SPRED2: variants seen among roughly 807,000 people sequenced by gnomAD.
SPRED2 encodes the protein sprouty related EVH1 domain containing 2, also known as sprouty-related, EVH1 domain-containing protein 2.
SPRED2 carries 47 observed loss-of-function variants against 43.0 expected under a neutral mutation model. The ratio of observed to expected loss-of-function variants is 1.09; its 90% CI spans 0.87 to 1.40. The LOEUF (loss-of-function observed/expected upper bound fraction) is 1.40, where lower values mean the gene tolerates loss of function less well. SPRED2 is among the 40% of genes most tolerant of loss of function. SPRED2 has a pLI of 0.00. For missense variants in SPRED2, 561 were observed against 586.4 expected, an observed-to-expected ratio of 0.96 and a Z score of 0.45; for synonymous variants, 225 against 225.7, an observed-to-expected ratio of 1.00 and a Z score of 0.03.
intron 1 of SPRED2, among the ~76,000 whole-genome samples, chr2:65,368,421 A>C (rs1218094593): frequency 2.0e-5 from 3 of 152,216 alleles, no homozygotes; most frequent in African/African-American, 7.2e-5. Flanking sequence ...AACTTTTCAC[A>C]CACTTGAAAA....
intron 1 of SPRED2, among the ~76,000 whole-genome samples, chr2:65,383,112 G>A (rs552141357): frequency 6.6e-6 from 1 of 152,204 alleles, no homozygotes; most frequent in Non-Finnish European, 1.5e-5. Context: ...AAATACCACC[G>A]GCATGCTAGC....
intron 1 of SPRED2, among the ~76,000 whole-genome samples, chr2:65,424,426 C>T (rs768222532): frequency 6.6e-6 from 1 of 152,114 alleles, no homozygotes; most frequent in Non-Finnish European, 1.5e-5. Context: ...AGAAAGCCTA[C>T]TATGTGCTCA....
rs1353292405 is a variant in SPRED2, at chr2:65,314,058, C to T, written c.700G>A (p.Ala234Thr). Residue 234 changes from alanine (A) to threonine (T), a missense_variant, in exon 6 of 6, where the codon GCA becomes ACA. Coordinates refer to ENST00000356388, the MANE Select transcript of SPRED2 (RefSeq NM_181784.3). ...TCCGGGTACTTGCCCCTGACGGGTG[C>T]GTGCCGGTAATCCTCGTACCCCGTC... is the stretch of plus-strand genomic sequence containing the variant. ...WMTGYEDYRH[A>T]PVRGKYPDPS... 9 of 1,613,962 alleles carry T rather than the reference C, an allele frequency of 5.6e-6. No individual in the cohort carries two copies.
In SPRED2 at chr2:65,312,230, G is replaced by A. The variant is rs1018999965; in HGVS notation, c.*1271C>T. 3.0e-6 allele frequency: 3 copies of A among 985,726 alleles called. No individual in the cohort carries two copies. Among genetic ancestry groups the A allele is most frequent in the African/African-American group, 1.7e-5 (1 of 57,364 alleles). The allele number at this position is 985,726 out of a possible 1,614,324, so 61.1% of individuals were successfully genotyped here. A position where few individuals can be genotyped will look rare whatever the true frequency, so the allele number is the denominator to read the frequency against. The stretch of plus-strand genomic sequence containing the variant: ...TAACCACCTGTGCACCCAAAGTGGC[G>A]AGTCTGGGTTTGGAGTTGCAGGAGA... On this transcript the variant is annotated 3_prime_UTR_variant, in exon 6 of 6. Transcript: ENST00000356388.
intron 4 of SPRED2, among the ~76,000 whole-genome samples, chr2:65,317,921 T>C (rs968223378): frequency 2.3e-4 from 35 of 152,020 alleles, no homozygotes; most frequent in Non-Finnish European, 5.0e-4. Context: ...TCCGTAACCA[T>C]GTCTTTGGAA....
chr2:65,401,940 CACACA>C, intron 1 of SPRED2, among the ~76,000 whole-genome samples: 1 of 111,082 alleles, frequency 9.0e-6, no homozygotes, highest in African/African-American at 4.8e-5. Flanking sequence ...CGCGCGCGCA[CACACA>C]CACACACACA....
intron 1 of SPRED2, among the ~76,000 whole-genome samples, chr2:65,398,997 A>G (rs1177129303): frequency 6.6e-6 from 1 of 152,234 alleles, no homozygotes; most frequent in East Asian, 1.9e-4. Context: ...AATGTGGTAT[A>G]GCTGGGCGCG....
chr2:65,395,068 A>G (rs373690156), intron 1 of SPRED2, among the ~76,000 whole-genome samples: 16 of 152,196 alleles, frequency 1.1e-4, no homozygotes, highest in Middle Eastern at 3.4e-3. Flanking sequence ...CCATCACCCA[A>G]GGTAACTCCG....
In SPRED2 at chr2:65,312,462, G is replaced by A. The variant is rs11548392; in HGVS notation, c.*1039C>T. 0.16 allele frequency: 155,183 copies of A among 985,058 alleles called. 13,528 individuals carry two copies. The highest frequency in any genetic ancestry group is 0.17 in the Non-Finnish European group (144,444 of 829,646). 61.0% of individuals were successfully genotyped at this position (985,058 alleles called of 1,614,324 possible). A position where few individuals can be genotyped will look rare whatever the true frequency, so the allele number is the denominator to read the frequency against. On this transcript the variant is annotated 3_prime_UTR_variant, in exon 6 of 6. Transcript: ENST00000356388. ...TAAAATAGCCAGGGGTTGGGGGGAA[G>A]AAGCTCCCTATGGTTTTATTCACCA...
chr2:65,361,677 G>GT (rs1168797406), intron 1 of SPRED2, among the ~76,000 whole-genome samples: 2 of 152,158 alleles, frequency 1.3e-5, no homozygotes. Context: ...GTTAAGCGAT[G>GT]TTTTTTAATA....
intron 1 of SPRED2, among the ~76,000 whole-genome samples, chr2:65,422,104 A>ACACACACACGCACTCT (rs1299857849): frequency 7.8e-6 from 1 of 128,938 alleles, no homozygotes; most frequent in Non-Finnish European, 1.7e-5. Flanking sequence ...ACACACACAC[A>ACACACACACGCACTCT]CTCTCTCTCT....
chr2:65,376,178 C>G (rs889175683), intron 1 of SPRED2, among the ~76,000 whole-genome samples: 1 of 152,198 alleles, frequency 6.6e-6, no homozygotes, highest in Non-Finnish European at 1.5e-5. Context: ...TACAGTTAAA[C>G]TTTAGAGGCT....
At chr2:65,362,858 C>CAA (rs113411208) in intron 1 of SPRED2, among the ~76,000 whole-genome samples, 102 of 141,566 alleles carry the variant, frequency 7.2e-4, no homozygotes, top group African/African-American at 2.5e-3. Flanking sequence ...AACTCCATTT[C>CAA]AAAAAAAAAA....
intron 1 of SPRED2, among the ~76,000 whole-genome samples, chr2:65,365,989 G>A (rs570104938): frequency 6.6e-6 from 1 of 151,872 alleles, no homozygotes; most frequent in Non-Finnish European, 1.5e-5. Context: ...CCTAGAAAAA[G>A]TTAATGCATG....
In SPRED2 at chr2:65,311,589, A is replaced by T; in HGVS notation, c.*1912T>A. ...CGGGTCGGGGGAAGGTGGTCTCTCG[A>T]CAGCACTGGAGGCTGGCTGAAGGTT... On this transcript the variant is annotated 3_prime_UTR_variant, in exon 6 of 6. Transcript: ENST00000356388. 1 of 985,888 alleles carries T rather than the reference A, an allele frequency of 1.0e-6. No individual in the cohort carries two copies. The highest frequency in any genetic ancestry group is 1.1e-4 in the East Asian group (1 of 8,816). 61.1% of individuals were successfully genotyped at this position (985,888 alleles called of 1,614,324 possible).
chr2:65,363,371 G>A (rs1674882680), intron 1 of SPRED2, among the ~76,000 whole-genome samples: 1 of 152,118 alleles, frequency 6.6e-6, no homozygotes, highest in Admixed American at 6.5e-5. Context: ...CCGGAAGAAT[G>A]TTCAGGGTTC....
At chr2:65,380,854 C>CCA (rs201757403) in intron 1 of SPRED2, among the ~76,000 whole-genome samples, 16 of 24,022 alleles carry the variant, frequency 6.7e-4, no homozygotes, top group African/African-American at 1.0e-3. Context: ...AAAATTCAAG[C>CCA]CACGATTATA....
chr2:65,366,827 C>T (rs932324695), intron 1 of SPRED2: 2 of 1,222,816 alleles, frequency 1.6e-6, no homozygotes, highest in African/African-American at 3.1e-5. Context: ...TGTGTCATTA[C>T]TCACATTCAA....
At chr2:65,308,357 G>C, downstream of SPRED2, 4 of 985,468 alleles carry the variant, frequency 4.1e-6, no homozygotes, top group Non-Finnish European at 4.8e-6. Flanking sequence ...AACCCAGCCA[G>C]CTTAGTGCAC....
Sources: gnomAD v4.1 joint callset for allele counts (sites outside exome capture counted in the v4.1 genomes callset) on GRCh38, gnomAD v4.1.1 for gene constraint, MANE v1.5 for transcripts, NCBI Gene and HGNC (gene_info 2026-07-23, HGNC 2026-07-21) for gene names.